Variants in SLC46A2 observed in about 807,000 individuals in gnomAD.
SLC46A2 encodes the protein thymic stromal co-transporter.
In SLC46A2, 25 loss-of-function variants were observed where a neutral mutation model predicts 33.1. The ratio of observed to expected loss-of-function variants is 0.76; its 90% CI spans 0.55 to 1.06. The LOEUF is 1.06. SLC46A2 is among the 50% of genes least tolerant of loss of function. The probability of loss-of-function intolerance (pLI) is 0.00; values close to 1 mark genes in which losing one functional copy is unlikely to be tolerated. For synonymous variants in SLC46A2, 254 were observed against 275.9 expected, an observed-to-expected ratio of 0.92 and a Z score of 0.79; for missense variants, 622 against 621.7, an observed-to-expected ratio of 1.00 and a Z score of 0.00.
intron 3 of SLC46A2, 72 bp from the exon 4 acceptor site, chr9:112,879,891 G>A: frequency 1.4e-6 from 2 of 1,402,250 alleles, no homozygotes; most frequent in Non-Finnish European, 2.0e-6. Flanking sequence ...GCCCTCACAG[G>A]GTTAATGATA....
At chr9:112,888,885 T>G (rs1308786669) in intron 1 of SLC46A2, among the ~76,000 whole-genome samples, 1 of 145,568 alleles carries the variant, frequency 6.9e-6, no homozygotes, top group Admixed American at 7.0e-5. Flanking sequence ...TTTTTTTTTT[T>G]TGTTTGTTTG....
In SLC46A2 at chr9:112,889,664, C is replaced by T. The variant is rs1841699488; in HGVS notation, c.1018G>A (p.Val340Ile). ...GTGTCCCGAAAGCAGCGGGAGAAGACCAGGACACCCAGGAAGCTGGTGATG... is the reference window on the plus strand; with the variant it reads ...GTGTCCCGAAAGCAGCGGGAGAAGATCAGGACACCCAGGAAGCTGGTGATG... ...IFITSFLGVL[V>I]FSRCFRDTTM... is the part of the protein sequence containing the mutation. The change falls in exon 1 of 4, where the codon GTC becomes ATC. Residue 340 changes from valine (V) to isoleucine (I), a missense_variant. Val to Ile is a conservative substitution (Grantham distance 29). Transcript: ENST00000374228. The T allele has an allele frequency of 1.2e-6, 2 of 1,613,988 alleles. No individual in the cohort carries two copies. The highest frequency in any genetic ancestry group is 1.7e-6 in the Non-Finnish European group (2 of 1,180,020).
chr9:112,889,948 G>T lies in SLC46A2; in HGVS notation c.734C>A (p.Thr245Asn). The T allele has an allele frequency of 6.2e-7, 1 of 1,614,230 alleles. No homozygotes were observed. The highest frequency in any genetic ancestry group is 8.5e-7 in the Non-Finnish European group (1 of 1,180,040). The change falls in exon 1 of 4, where the codon ACC (threonine) becomes AAC (asparagine). Residue 245 changes from threonine to asparagine, a missense_variant. Coordinates refer to ENST00000374228, the MANE Select transcript of SLC46A2 (RefSeq NM_033051.4). The part of the protein sequence containing the change: ...KPSQELPAVD[T>N]VSGTVGTYRT... Reference sequence around the variant, plus strand: ...GTATGTGCCAACCGTGCCAGACACGGTATCCACGGCGGGGAGCTCCTGGCT... The same window carrying T: ...GTATGTGCCAACCGTGCCAGACACGTTATCCACGGCGGGGAGCTCCTGGCT...
At position 112,890,545 on chromosome 9, in the gene SLC46A2, G is replaced by A. The variant is rs759091413; in HGVS notation, c.137C>T (p.Ala46Val). The A allele has an allele frequency of 5.6e-6, 9 of 1,613,788 alleles. No homozygotes were observed. The highest frequency in any genetic ancestry group is 7.6e-6 in the Non-Finnish European group (9 of 1,180,012). The change falls in exon 1 of 4, where the codon GCG becomes GTG. Residue 46 changes from alanine (A) to valine (V), a missense_variant. Ala to Val is a moderately conservative substitution (Grantham distance 64). Coordinates refer to ENST00000374228, the MANE Select transcript of SLC46A2 (RefSeq NM_033051.4). This position sits in a 1 kb window ranked among gnomAD's most constrained non-coding sequence, Gnocchi z 6.0. ...GGAGGAGCCTCCGGTTCCGTAGGAC[G>A]CCTTCACCACGAGGAGTAGCCCCGC... ...YDAGLLLVVK[A>V]SYGTGGSSNH...
In SLC46A2 at chr9:112,889,968, C is replaced by A; in HGVS notation, c.714G>T (p.Gln238His). 6.2e-7 allele frequency: 1 copy of A among 1,614,170 alleles called. No individual in the cohort carries two copies. The highest frequency in any genetic ancestry group is 8.5e-7 in the Non-Finnish European group (1 of 1,180,004). The change falls in exon 1 of 4, where the codon CAG (glutamine) becomes CAT (histidine). Residue 238 changes from glutamine to histidine, a missense_variant. Transcript: ENST00000374228. ...KVPESVAKPS[Q>H]ELPAVDTVSG... ...ACACGGTATCCACGGCGGGGAGCTC[C>A]TGGCTGGGTTTGGCCACCGACTCAG...
Position 112,887,430 on chromosome 9 carries a change from A to G in SLC46A2, c.1130-17T>C, listed in dbSNP as rs753623281. 6.3e-7 allele frequency: 1 copy of G among 1,596,726 alleles called. No homozygotes were observed. The highest frequency in any genetic ancestry group is 1.1e-5 in the South Asian group (1 of 87,970). On this transcript the variant is annotated splice_polypyrimidine_tract_variant and intron_variant, in intron 1 of 3. Coordinates refer to ENST00000374228, the MANE Select transcript of SLC46A2 (RefSeq NM_033051.4). Reference sequence around the variant, plus strand: ...CGGCTCGAGCTGAAAGAGATCACACAAGAACACTCCTTGCTGTAGCCCAGC... The same window carrying G: ...CGGCTCGAGCTGAAAGAGATCACACGAGAACACTCCTTGCTGTAGCCCAGC...
chr9:112,884,380 G>A (rs1841619803), intron 3 of SLC46A2, among the ~76,000 whole-genome samples: 2 of 152,210 alleles, frequency 1.3e-5, no homozygotes, highest in Non-Finnish European at 2.9e-5. Context: ...GGTCTTTCCT[G>A]TTGCTCTCCC....
At chr9:112,889,052 G>C (rs1386050365) in intron 1 of SLC46A2, among the ~76,000 whole-genome samples, 1 of 152,004 alleles carries the variant, frequency 6.6e-6, no homozygotes, top group South Asian at 2.1e-4. Flanking sequence ...CACCACACCT[G>C]GCTAATTTTT....
chr9:112,888,873 G>GTTTTTTTT (rs35381661), intron 1 of SLC46A2, among the ~76,000 whole-genome samples: 7 of 139,666 alleles, frequency 5.0e-5, no homozygotes, highest in Admixed American at 1.4e-4. Flanking sequence ...ACTCCTCCAC[G>GTTTTTTTT]TTTTTTTTTT....
At position 112,890,519 on chromosome 9, in the gene SLC46A2, T is replaced by C. The variant is rs977130515; in HGVS notation, c.163A>G (p.Asn55Asp). 2.5e-6 allele frequency: 4 copies of C among 1,614,026 alleles called. No individual in the cohort carries two copies. Among genetic ancestry groups the C allele is most frequent in the Non-Finnish European group, 3.4e-6 (4 of 1,179,996 alleles). ...KASYGTGGSS[N>D]HSASPSPRGA... ...CGGGGCGATGGGCTGGCACTGTGGT[T>C]GGAGGAGCCTCCGGTTCCGTAGGAC... Residue 55 changes from asparagine (N) to aspartate (D), a missense_variant, in exon 1 of 4, where the codon AAC (asparagine) becomes GAC (aspartate). Transcript: ENST00000374228. The surrounding 1 kb of genome is among the most constrained non-coding windows in gnomAD (Gnocchi z 6.0).
At position 112,882,396 on chromosome 9, in the gene SLC46A2, T is replaced by G. The variant is rs146951196; in HGVS notation, c.1371-2577A>C. On this transcript the variant is annotated intron_variant, in intron 3 of 3. Transcript: ENST00000374228. ...TGCTGGGATTACAGGTGTGAGCCAC[T>G]GCACCCAGCCAAACATTTGGGTTTT... Among the ~76,000 whole-genome samples, 20 of 152,252 alleles carry G rather than the reference T, an allele frequency of 1.3e-4. No homozygotes were observed. The East Asian group carries it at 3.9e-3, about 29-fold the overall frequency.
At chr9:112,888,895 GTTT>G (rs145272842) in intron 1 of SLC46A2, among the ~76,000 whole-genome samples, 2 of 143,696 alleles carry the variant, frequency 1.4e-5, no homozygotes, top group East Asian at 2.0e-4. Context: ...TTGTTTGTTT[GTTT>G]TTTTTTTTTT....
chr9:112,885,361 T>G (rs1056530986), intron 3 of SLC46A2: 1 of 152,048 alleles, frequency 6.6e-6, no homozygotes, highest in Non-Finnish European at 1.5e-5. Context: ...CATGTGCTAC[T>G]AGGCAGGTCC....
intron 1 of SLC46A2, among the ~76,000 whole-genome samples, chr9:112,888,987 T>A (rs748042993): frequency 2.0e-5 from 3 of 151,642 alleles, no homozygotes; most frequent in Non-Finnish European, 4.4e-5. Flanking sequence ...GCCTCTTGGG[T>A]TCAAGTGATT....
In SLC46A2 at chr9:112,879,831, G is replaced by T. The variant is rs1841556132; in HGVS notation, c.1371-12C>A. 1 of 1,610,608 alleles carries T rather than the reference G, an allele frequency of 6.2e-7. No homozygotes were observed. The highest frequency in any genetic ancestry group is 8.5e-7 in the Non-Finnish European group (1 of 1,177,214). ...TATAGGCCACGATGCTGTAAGAATTGACCATAGAGAGTTACAAGAGAACAG... is the reference window on the plus strand; with the variant it reads ...TATAGGCCACGATGCTGTAAGAATTTACCATAGAGAGTTACAAGAGAACAG... On this transcript the variant is annotated splice_polypyrimidine_tract_variant and intron_variant, in intron 3 of 3. Transcript: ENST00000374228.
chr9:112,890,414 G>T lies in SLC46A2; in HGVS notation c.268C>A (p.Leu90Met). 1 of 1,614,192 alleles carries T rather than the reference G, an allele frequency of 6.2e-7. No homozygotes were observed. Among genetic ancestry groups the T allele is most frequent in the Non-Finnish European group, 8.5e-7 (1 of 1,180,030 alleles). The change falls in exon 1 of 4, where the codon CTG (leucine) becomes ATG (methionine). Residue 90 changes from leucine to methionine, a missense_variant. Coordinates refer to ENST00000374228, the MANE Select transcript of SLC46A2 (RefSeq NM_033051.4). This position sits in a 1 kb window ranked among gnomAD's most constrained non-coding sequence, Gnocchi z 6.0. Reference sequence around the variant, plus strand: ...CATCCCAGCCCGTAGGCGGACAGCAGGGGGGACAGGCCCACCACAAGGTTG... The same window carrying T: ...CATCCCAGCCCGTAGGCGGACAGCATGGGGGACAGGCCCACCACAAGGTTG... ...IYNLVVGLSP[L>M]LSAYGLGWLS...
intron 3 of SLC46A2, among the ~76,000 whole-genome samples, chr9:112,880,943 C>T (rs1308005189): frequency 5.9e-5 from 9 of 152,178 alleles, no homozygotes; most frequent in Admixed American, 5.9e-4. Flanking sequence ...TTTGCATCCA[C>T]ATTTTCTTTT....
chr9:112,879,805 TTA>T lies in SLC46A2; in HGVS notation c.1383_1384del (p.Tyr461Ter). The stretch of plus-strand genomic sequence containing the variant: ...TCCATATGGTGACAATGGGACTTGT[TTA>T]TAGGCCACGATGCTGTAAGAATTGA... On this transcript the variant is annotated stop_gained and frameshift_variant, in exon 4 of 4. Coordinates refer to ENST00000374228, the MANE Select transcript of SLC46A2 (RefSeq NM_033051.4). LOFTEE classifies it high-confidence loss of function. The T allele has an allele frequency of 6.2e-7, 1 of 1,613,138 alleles. No homozygotes were observed. The highest frequency in any genetic ancestry group is 8.5e-7 in the Non-Finnish European group (1 of 1,179,322).
In SLC46A2 at chr9:112,879,735, G is replaced by A; in HGVS notation, c.*27C>T. On this transcript the variant is annotated 3_prime_UTR_variant, in exon 4 of 4. Transcript: ENST00000374228. ...TTCTGGGGGCCTGGCCATGGCTGAT[G>A]TTTTCAGTTCCTGCAGGTAAGCATC... The A allele has an allele frequency of 6.2e-7, 1 of 1,605,594 alleles. No individual in the cohort carries two copies. Among genetic ancestry groups the A allele is most frequent in the Non-Finnish European group, 8.5e-7 (1 of 1,172,938 alleles).
Sources: allele counts gnomAD v4.1 joint callset (sites outside exome capture counted in the v4.1 genomes callset), GRCh38; gene constraint gnomAD v4.1.1; non-coding constraint Gnocchi (gnomAD v3.1); transcripts MANE v1.5; gene names NCBI Gene and HGNC (gene_info 2026-07-23, HGNC 2026-07-21).